The following GPR22 variants were observed in gnomAD, a reference collection of about 807,000 sequenced individuals.
The protein encoded by GPR22 is G-protein coupled receptor 22.
GPR22 carries 13 observed loss-of-function variants against 31.0 expected under a neutral mutation model. The ratio of observed to expected loss-of-function variants is 0.42; its 90% CI spans 0.27 to 0.67. The LOEUF is 0.67. Among genes scored for constraint, GPR22 ranks in the 30% least tolerant of loss-of-function variants. GPR22 has a pLI of 0.25. For missense variants in GPR22, 368 were observed against 509.6 expected, an observed-to-expected ratio of 0.72 and a Z score of 2.67; for synonymous variants, 191 against 173.4, an observed-to-expected ratio of 1.10 and a Z score of -0.80.
rs1428047623 is a variant in GPR22 at position 107,474,345 on chromosome 7, T to C, written c.285T>C (p.Cys95=). The stretch of plus-strand genomic sequence containing the variant: ...TTGATGTAATAATTTGTGTGGGATG[T>C]ATTCCTCTAACTATAGTTATCCTTC... ...HVLDVIICVG[C]IPLTIVILLL... The change falls in exon 3 of 3, where the codon TGT becomes TGC. Residue 95 remains cysteine, a synonymous_variant. Coordinates refer to ENST00000304402, the MANE Select transcript of GPR22 (RefSeq NM_005295.3). The surrounding 1 kb of genome is among the most constrained non-coding windows in gnomAD (Gnocchi z 5.7). The C allele has an allele frequency of 9.9e-6, 16 of 1,612,464 alleles. No individual in the cohort carries two copies. The South Asian group carries it at 1.6e-4, about 17-fold the overall frequency.
chr7:107,475,583 T>A lies in GPR22; in HGVS notation c.*221T>A, dbSNP rs1469678433. 2 of 391,880 alleles carry A rather than the reference T, an allele frequency of 5.1e-6. No individual in the cohort carries two copies. Among genetic ancestry groups the A allele is most frequent in the Admixed American group, 8.3e-5 (2 of 24,180 alleles). The allele number at this position is 391,880 out of a possible 1,614,324, so 24.3% of individuals were successfully genotyped here. A position where few individuals can be genotyped will look rare whatever the true frequency, so the allele number is the denominator to read the frequency against. ...TGTTAAAGTACTATCATGTGTATAT[T>A]TTGTCAATATTATGTCCAACAGAAA... On this transcript the variant is annotated 3_prime_UTR_variant, in exon 3 of 3. Coordinates refer to ENST00000304402, the MANE Select transcript of GPR22 (RefSeq NM_005295.3).
At chr7:107,471,297 A>G (rs1405729281) in intron 1 of GPR22, 75 bp from the exon 2 acceptor site, 1 of 152,098 alleles carries the variant, frequency 6.6e-6, no homozygotes, top group Admixed American at 6.6e-5. Context: ...TTTTTAAACA[A>G]AACTAAAGTA....
chr7:107,475,239 T>A lies in GPR22; in HGVS notation c.1179T>A (p.Asp393Glu). The A allele has an allele frequency of 6.2e-7, 1 of 1,609,530 alleles. No individual in the cohort carries two copies. Among genetic ancestry groups the A allele is most frequent in the Non-Finnish European group, 8.5e-7 (1 of 1,176,290 alleles). ...KKRVVSIVEA[D>E]PLPNNAVIHN... is the part of the protein sequence containing the mutation. ...GAGTTGTTTCTATAGTAGAAGCTGA[T>A]CCCCTGCCTAATAATGCTGTAATAC... Residue 393 changes from aspartate to glutamate, a missense_variant, in exon 3 of 3, where the codon GAT (aspartate) becomes GAA (glutamate). By Grantham distance (45) the Asp-to-Glu change is conservative. Transcript: ENST00000304402.
downstream of GPR22, among the ~76,000 whole-genome samples, chr7:107,477,029 T>C (rs1256907369): frequency 6.6e-6 from 1 of 151,636 alleles, no homozygotes; most frequent in South Asian, 2.1e-4. Context: ...TTTTCTACTG[T>C]TTTTTGGAAT....
chr7:107,476,183 TTAAAAAAAAAA>T (rs951488950), downstream of GPR22, among the ~76,000 whole-genome samples: 2,065 of 86,612 alleles, frequency 0.024, 164 homozygotes, highest in African/African-American at 0.11. Flanking sequence ...TGCAATGATT[TTAAAAAAAAAA>T]AAAAAAAAAA....
chr7:107,474,887 G>A lies in GPR22; in HGVS notation c.827G>A (p.Gly276Asp). 6.2e-7 allele frequency: 1 copy of A among 1,613,240 alleles called. No individual in the cohort carries two copies. The highest frequency in any genetic ancestry group is 8.5e-7 in the Non-Finnish European group (1 of 1,179,512). Residue 276 changes from glycine (G) to aspartate (D), a missense_variant, in exon 3 of 3, where the codon GGT (glycine) becomes GAT (aspartate). Physicochemically the swap from Gly to Asp is moderately conservative, Grantham distance 94. Transcript: ENST00000304402. The surrounding 1 kb of genome is among the most constrained non-coding windows in gnomAD (Gnocchi z 5.7). ...HEATDMSQSS[G>D]GRNVVFGVRT... is the part of the protein sequence containing the mutation. ...GCTACAGACATGTCACAAAGCAGTG[G>A]TGGGAGAAATGTAGTCTTTGGTGTA...
At chr7:107,473,249 T>C (rs1796746758) in intron 2 of GPR22, among the ~76,000 whole-genome samples, 1 of 151,954 alleles carries the variant, frequency 6.6e-6, no homozygotes, top group African/African-American at 2.4e-5. Flanking sequence ...ATTTCAATTT[T>C]CTGTTTCCAC....
intron 1 of GPR22, among the ~76,000 whole-genome samples, chr7:107,470,961 TAATA>T (rs893347526): frequency 2.0e-5 from 3 of 151,970 alleles, no homozygotes; most frequent in Admixed American, 2.0e-4. Context: ...AACCATGTGC[TAATA>T]ATTAGGCAAG....
chr7:107,475,647 T>C lies in GPR22; in HGVS notation c.*285T>C, dbSNP rs948279699. On this transcript the variant is annotated 3_prime_UTR_variant, in exon 3 of 3. Coordinates refer to ENST00000304402, the MANE Select transcript of GPR22 (RefSeq NM_005295.3). ...TCATATTTTTTAAGGAATAAATACA[T>C]AGCCTTAAAACAGTGTATAACTTTA... 3 of 268,662 alleles carry C rather than the reference T, an allele frequency of 1.1e-5. No homozygotes were observed. The highest frequency in any genetic ancestry group is 6.7e-5 in the African/African-American group (3 of 44,592). 16.6% of individuals were successfully genotyped at this position (268,662 alleles called of 1,614,324 possible).
In GPR22 at chr7:107,474,697, C is replaced by T. The variant is rs1796862723; in HGVS notation, c.637C>T (p.Leu213=). Residue 213 remains leucine, a synonymous_variant, in exon 3 of 3, where the codon CTG becomes TTG. Coordinates refer to ENST00000304402, the MANE Select transcript of GPR22 (RefSeq NM_005295.3). This position sits in a 1 kb window ranked among gnomAD's most constrained non-coding sequence, Gnocchi z 5.7. The part of the protein sequence containing the change: ...YYTELGMYYH[L]LVQIPIFFFT... ...CACTGAACTGGGAATGTATTATCAC[C>T]TGTTAGTACAGATCCCAATATTCTT... is the stretch of plus-strand genomic sequence containing the variant. 1 of 1,610,282 alleles carries T rather than the reference C, an allele frequency of 6.2e-7. No individual in the cohort carries two copies. Among genetic ancestry groups the T allele is most frequent in the Admixed American group, 1.7e-5 (1 of 59,742 alleles).
chr7:107,474,500 C>A lies in GPR22; in HGVS notation c.440C>A (p.Pro147His). Residue 147 changes from proline to histidine, a missense_variant, in exon 3 of 3, where the codon CCT becomes CAT. Coordinates refer to ENST00000304402, the MANE Select transcript of GPR22 (RefSeq NM_005295.3). This position sits in a 1 kb window ranked among gnomAD's most constrained non-coding sequence, Gnocchi z 5.7. ...TLDRYDISVK[P>H]ANRILTMGRA... is the part of the protein sequence containing the mutation. Reference sequence around the variant, plus strand: ...GACAGATATGACATCTCTGTAAAACCTGCAAACCGAATTCTGACAATGGGC... The same window carrying A: ...GACAGATATGACATCTCTGTAAAACATGCAAACCGAATTCTGACAATGGGC... 1.2e-6 allele frequency: 2 copies of A among 1,613,040 alleles called. No homozygotes were observed. The highest frequency in any genetic ancestry group is 1.7e-6 in the Non-Finnish European group (2 of 1,179,354).
chr7:107,474,422 G>C lies in GPR22; in HGVS notation c.362G>C (p.Cys121Ser). 6.2e-7 allele frequency: 1 copy of C among 1,613,146 alleles called. No homozygotes were observed. The highest frequency in any genetic ancestry group is 8.5e-7 in the Non-Finnish European group (1 of 1,179,366). Reference sequence around the variant, plus strand: ...CTCATTTGCTGTTTCCATGAGGCTTGTGTATCTTTTGCAAGTGTCTCAACA... The same window carrying C: ...CTCATTTGCTGTTTCCATGAGGCTTCTGTATCTTTTGCAAGTGTCTCAACA... ...TALICCFHEA[C>S]VSFASVSTAI... Residue 121 changes from cysteine to serine, a missense_variant, in exon 3 of 3, where the codon TGT (cysteine) becomes TCT (serine). Physicochemically the swap from Cys to Ser is moderately radical, Grantham distance 112. Coordinates refer to ENST00000304402, the MANE Select transcript of GPR22 (RefSeq NM_005295.3). The surrounding 1 kb of genome is among the most constrained non-coding windows in gnomAD (Gnocchi z 5.7).
At chr7:107,473,999 C>A (rs1200104780) in intron 2 of GPR22, 36 bp from the exon 3 acceptor site, 1 of 828,006 alleles carries the variant, frequency 1.2e-6, no homozygotes. Flanking sequence ...TTTAAATTGC[C>A]AAATATCAAA....
Position 107,474,643 on chromosome 7 carries a change from C to T in GPR22, c.583C>T (p.Leu195Phe). ...QSGNTWENKTLLCVSTNEYYT... is the reference protein window; with the variant it reads ...QSGNTWENKTFLCVSTNEYYT... ...TGGAAATACCTGGGAAAACAAGACA[C>T]TTTTATGTGTCAGTACAAATGAATA... The change falls in exon 3 of 3, where the codon CTT becomes TTT. Residue 195 changes from leucine to phenylalanine, a missense_variant. Coordinates refer to ENST00000304402, the MANE Select transcript of GPR22 (RefSeq NM_005295.3). The surrounding 1 kb of genome is among the most constrained non-coding windows in gnomAD (Gnocchi z 5.7). 6.2e-7 allele frequency: 1 copy of T among 1,610,274 alleles called. No homozygotes were observed. Among genetic ancestry groups the T allele is most frequent in the Non-Finnish European group, 8.5e-7 (1 of 1,177,146 alleles).
Position 107,472,852 on chromosome 7 carries a change from CTG to C in GPR22, c.-27+552_-27+553del, listed in dbSNP as rs570054273. The C allele has an allele frequency of 4.0e-5, 6 of 151,852 alleles. No individual in the cohort carries two copies. In the South Asian group the frequency reaches 1.2e-3, roughly 31 times the overall value. The allele number at this position is 151,852 out of a possible 1,614,324, so 9.4% of individuals were successfully genotyped here. The stretch of plus-strand genomic sequence containing the variant: ...TGAATATGATTTTGCAGTTGAAATG[CTG>C]TATTTGAAATGTGAAATATAGTTGG... On this transcript the variant is annotated intron_variant, in intron 2 of 2. Transcript: ENST00000304402.
rs775835415 is a variant in GPR22, at chr7:107,472,217, T to C, written c.-112T>C. 2.0e-5 allele frequency: 3 copies of C among 152,000 alleles called. No homozygotes were observed. The highest frequency in any genetic ancestry group is 4.4e-5 in the Non-Finnish European group (3 of 67,934). The allele number at this position is 152,000 out of a possible 1,614,324, so 9.4% of individuals were successfully genotyped here. ...AAATCCATCAGCCAACTAAATCTCA[T>C]AATGCATGCAGTTGAAGTATTGGAG... is the stretch of plus-strand genomic sequence containing the variant. On this transcript the variant is annotated 5_prime_UTR_variant, in exon 2 of 3. Transcript: ENST00000304402.
chr7:107,477,089 T>C (rs1797039197), downstream of GPR22, among the ~76,000 whole-genome samples: 1 of 151,658 alleles, frequency 6.6e-6, no homozygotes, highest in African/African-American at 2.4e-5. Flanking sequence ...AAGTAAGATA[T>C]TTTTTGAAAC....
chr7:107,473,331 G>T (rs1237933004), intron 2 of GPR22, among the ~76,000 whole-genome samples: 1 of 151,868 alleles, frequency 6.6e-6, no homozygotes, highest in Non-Finnish European at 1.5e-5. Context: ...ACCAAGCTTT[G>T]TAGCTTTTTA....
At position 107,475,110 on chromosome 7, in the gene GPR22, G is replaced by A. The variant is rs779828103; in HGVS notation, c.1050G>A (p.Leu350=). The part of the protein sequence containing the change: ...GPSDLLVKLR[L]CFLVMAYGTT... The stretch of plus-strand genomic sequence containing the variant: ...GTGACCTTTTAGTAAAATTAAGATT[G>A]TGTTTTTTAGTCATGGCTTATGGAA... The change falls in exon 3 of 3, where the codon TTG becomes TTA. Residue 350 remains leucine (L), a synonymous_variant. Transcript: ENST00000304402. 6.2e-7 allele frequency: 1 copy of A among 1,611,886 alleles called. No individual in the cohort carries two copies. The highest frequency in any genetic ancestry group is 1.1e-5 in the South Asian group (1 of 90,938).
Sources: allele counts gnomAD v4.1 joint callset (sites outside exome capture counted in the v4.1 genomes callset), GRCh38; gene constraint gnomAD v4.1.1; non-coding constraint Gnocchi (gnomAD v3.1); transcripts MANE v1.5; gene names NCBI Gene and HGNC (gene_info 2026-07-23, HGNC 2026-07-21).